The following DPP10 variants were observed in gnomAD, a reference collection of about 807,000 sequenced individuals.
The protein encoded by DPP10 is inactive dipeptidyl peptidase 10.
In DPP10, 33 loss-of-function variants were observed where a neutral mutation model predicts 120.9. That is an observed-to-expected ratio of 0.27 (90% CI 0.21 to 0.37). The LOEUF is 0.37. DPP10 is among the 10% of genes least tolerant of loss of function. The pLI, the probability that DPP10 is intolerant of heterozygous loss-of-function variation, is 1.00. For missense variants in DPP10, 816 were observed against 942.8 expected (o/e 0.87, Z 1.76); for synonymous variants, 337 against 326.1 (o/e 1.03, Z -0.36).
chr2:115,516,742 T>G (rs916857776), intron 4 of DPP10, among the ~76,000 whole-genome samples: 2 of 152,026 alleles, frequency 1.3e-5, no homozygotes, highest in East Asian at 3.9e-4. Flanking sequence ...TATGAAGACA[T>G]AATGAAAACT....
At chr2:114,450,164 A>G (rs1678178567) in intron 1 of DPP10, among the ~76,000 whole-genome samples, 2 of 152,062 alleles carry the variant, frequency 1.3e-5, no homozygotes, top group African/African-American at 4.8e-5. Context: ...TAGACTTGAT[A>G]CTTCCTTTGC....
intron 1 of DPP10, among the ~76,000 whole-genome samples, chr2:114,824,659 A>G (rs1284568585): frequency 2.0e-5 from 3 of 152,072 alleles, no homozygotes; most frequent in Non-Finnish European, 2.9e-5. Context: ...ATGTACTTAG[A>G]ATATTGGAGA....
intron 1 of DPP10, among the ~76,000 whole-genome samples, chr2:115,019,580 G>T (rs555959527): frequency 7.2e-5 from 11 of 152,250 alleles, no homozygotes; most frequent in African/African-American, 2.6e-4. Context: ...ATAAAAGTTT[G>T]GAAAACATCT....
intron 1 of DPP10, among the ~76,000 whole-genome samples, chr2:114,591,012 T>A (rs923462614): frequency 6.6e-6 from 1 of 152,098 alleles, no homozygotes; most frequent in Admixed American, 6.5e-5. Flanking sequence ...TAGTCGTCTG[T>A]ATTTGGGGAA....
intron 1 of DPP10, among the ~76,000 whole-genome samples, chr2:115,241,933 A>G (rs569913796): frequency 9.8e-5 from 15 of 152,288 alleles, no homozygotes; most frequent in Admixed American, 7.2e-4. Flanking sequence ...ATTGACTGCT[A>G]TTGTTATTAC....
At chr2:115,162,069 T>A in intron 1 of DPP10, 1 of 1,460,466 alleles carries the variant, frequency 6.8e-7, no homozygotes, top group Non-Finnish European at 9.0e-7. Context: ...CCGGGAGGGG[T>A]GGCTCCAGTG....
At chr2:115,823,137 T>TTCCTTGTG (rs1294637897) in intron 21 of DPP10, among the ~76,000 whole-genome samples, 2 of 152,112 alleles carry the variant, frequency 1.3e-5, no homozygotes, top group Non-Finnish European at 1.5e-5. Context: ...GGTGATACTT[T>TTCCTTGTG]TCCTTGTGTA....
At chr2:115,485,807 T>C (rs1339829476) in intron 3 of DPP10, among the ~76,000 whole-genome samples, 1 of 152,176 alleles carries the variant, frequency 6.6e-6, no homozygotes, top group East Asian at 1.9e-4. Flanking sequence ...TCTATTAATA[T>C]GTTCCTTTTG....
At chr2:115,696,664 A>G (rs945782695) in intron 7 of DPP10, among the ~76,000 whole-genome samples, 3 of 152,326 alleles carry the variant, frequency 2.0e-5, no homozygotes, top group East Asian at 1.9e-4. Flanking sequence ...GAAGCCTTAT[A>G]AAGAAATAAA....
rs191616724 is a variant in DPP10, at chr2:114,501,541, C to T, written c.60+58703C>T. Among the ~76,000 whole-genome samples the T allele has an allele frequency of 4.4e-3, 668 of 152,274 alleles. 5 individuals are homozygous for T. The highest frequency in any genetic ancestry group is 0.015 in the African/African-American group (611 of 41,564). ...CATGTTCTAAATGACCTTTATCAAG[C>T]GATCTCCTAGTCTAGAGAGGCGGAG... On this transcript the variant is annotated intron_variant, in intron 1 of 25. Transcript: ENST00000410059.
At chr2:115,529,564 A>G (rs988435166) in intron 5 of DPP10, among the ~76,000 whole-genome samples, 1 of 152,118 alleles carries the variant, frequency 6.6e-6, no homozygotes, top group Non-Finnish European at 1.5e-5. Context: ...GGAAAGAGGT[A>G]AAAAGATTTA....
intron 5 of DPP10, among the ~76,000 whole-genome samples, chr2:115,603,013 T>C (rs190574834): frequency 6.6e-5 from 10 of 152,274 alleles, no homozygotes; most frequent in African/African-American, 2.2e-4. Flanking sequence ...CTTCGGAAAG[T>C]TGGTGCATTT....
intron 1 of DPP10, among the ~76,000 whole-genome samples, chr2:115,205,873 A>G (rs899723697): frequency 6.6e-6 from 1 of 152,148 alleles, no homozygotes; most frequent in African/African-American, 2.4e-5. Flanking sequence ...TGGGAGCTGG[A>G]AGAGGGGGAA....
chr2:115,311,046 C>A (rs1237533145), intron 2 of DPP10, among the ~76,000 whole-genome samples: 1 of 152,162 alleles, frequency 6.6e-6, no homozygotes, highest in Non-Finnish European at 1.5e-5. Flanking sequence ...TTCTGCTCAA[C>A]CCTTTTCAAT....
intron 3 of DPP10, among the ~76,000 whole-genome samples, chr2:115,447,978 G>A (rs1040296561): frequency 6.6e-6 from 1 of 152,208 alleles, no homozygotes; most frequent in South Asian, 2.1e-4. Context: ...ACAAATTTTA[G>A]AAGGATATGT....
At chr2:114,477,556 G>A (rs1373512038) in intron 1 of DPP10, among the ~76,000 whole-genome samples, 1 of 150,234 alleles carries the variant, frequency 6.7e-6, no homozygotes, top group African/African-American at 2.4e-5. Context: ...GGAGGCCTTG[G>A]CCTTGGATCA....
intron 19 of DPP10, among the ~76,000 whole-genome samples, chr2:115,801,446 G>A (rs1304492332): frequency 6.6e-6 from 1 of 152,050 alleles, no homozygotes; most frequent in African/African-American, 2.4e-5. Context: ...GTGCCTGATT[G>A]CCCTGGCCAG....
chr2:114,657,111 G>C (rs1697020584), intron 1 of DPP10, among the ~76,000 whole-genome samples: 1 of 151,800 alleles, frequency 6.6e-6, no homozygotes. Flanking sequence ...AAGATTAATG[G>C]GTAATTTCGA....
chr2:115,698,204 A>G (rs1416263380), intron 7 of DPP10, among the ~76,000 whole-genome samples: 2 of 152,336 alleles, frequency 1.3e-5, no homozygotes, highest in East Asian at 1.9e-4. Context: ...TTAGAAATCA[A>G]TAACAAACTG....
Sources: allele counts gnomAD v4.1 joint callset (sites outside exome capture counted in the v4.1 genomes callset), GRCh38; gene constraint gnomAD v4.1.1; transcripts MANE v1.5; gene names NCBI Gene and HGNC (gene_info 2026-07-23, HGNC 2026-07-21).